KDM4C: variants seen among roughly 807,000 people sequenced by gnomAD.
KDM4C encodes lysine-specific demethylase 4C.
A neutral mutation model predicts 129.3 loss-of-function variants in KDM4C; 81 were observed. The ratio of observed to expected loss-of-function variants is 0.63; its 90% CI spans 0.52 to 0.75. KDM4C has a LOEUF of 0.75. Among genes scored for constraint, KDM4C ranks in the 30% least tolerant of loss-of-function variants. The pLI is 0.00. For synonymous variants in KDM4C, 573 were observed against 456.1 expected (o/e 1.26, Z -3.26); for missense variants, 1,457 against 1,304.0 (o/e 1.12, Z -1.81).
chr9:6,830,668 T>C (rs1305900065), intron 4 of KDM4C, among the ~76,000 whole-genome samples: 1 of 152,232 alleles, frequency 6.6e-6, no homozygotes, highest in Non-Finnish European at 1.5e-5. Context: ...TCCTTTTCCA[T>C]TGAAGGAATA....
chr9:6,873,642 T>C (rs2130692056), intron 5 of KDM4C, among the ~76,000 whole-genome samples: 1 of 152,346 alleles, frequency 6.6e-6, no homozygotes, highest in Non-Finnish European at 1.5e-5. Flanking sequence ...GATTAGGATT[T>C]GGTTTAAGGA....
intron 8 of KDM4C, 45 bp downstream of exon 8, chr9:6,893,277 T>C: frequency 6.5e-7 from 1 of 1,539,858 alleles, no homozygotes; most frequent in Non-Finnish European, 8.8e-7. Flanking sequence ...ATGTGTATTC[T>C]GGTTATTTTA....
intron 2 of KDM4C, among the ~76,000 whole-genome samples, chr9:6,802,930 C>G (rs1244162333): frequency 6.6e-6 from 1 of 152,172 alleles, no homozygotes; most frequent in Non-Finnish European, 1.5e-5. Context: ...TTAAATCTCA[C>G]AAAATATGAG....
At chr9:6,939,971 TACC>T in intron 8 of KDM4C, among the ~76,000 whole-genome samples, 12 of 137,768 alleles carry the variant, frequency 8.7e-5, no homozygotes, top group African/African-American at 2.9e-4. Context: ...CCTACCTACC[TACC>T]TACCTTCCTT....
chr9:6,901,611 C>T (rs1300726311), intron 8 of KDM4C, among the ~76,000 whole-genome samples: 2 of 152,164 alleles, frequency 1.3e-5, no homozygotes, highest in African/African-American at 4.8e-5. Context: ...TGAAAACATC[C>T]TTTTATGTCC....
intron 8 of KDM4C, among the ~76,000 whole-genome samples, chr9:6,967,280 C>G (rs573437665): frequency 6.6e-6 from 1 of 151,904 alleles, no homozygotes; most frequent in Admixed American, 6.6e-5. Context: ...AAATATTAGC[C>G]GGGCTTGGTG....
chr9:6,726,656 C>T (rs1430258790), intron 1 of KDM4C: 1 of 152,314 alleles, frequency 6.6e-6, no homozygotes, highest in Non-Finnish European at 1.5e-5. Context: ...TCCAAGGTTA[C>T]CTCCCAAGGT....
intron 1 of KDM4C, among the ~76,000 whole-genome samples, chr9:6,763,013 C>T (rs1380831829): frequency 1.3e-5 from 2 of 151,934 alleles, no homozygotes; most frequent in Admixed American, 6.6e-5. Context: ...ACTTCCTCAT[C>T]CTCCTTACCC....
At chr9:7,129,436 A>G (rs1840377173) in intron 19 of KDM4C, among the ~76,000 whole-genome samples, 1 of 152,196 alleles carries the variant, frequency 6.6e-6, no homozygotes, top group African/African-American at 2.4e-5. Flanking sequence ...GTTTCTTACC[A>G]GGGTTCTAGC....
At chr9:7,079,168 T>G (rs1045572370) in intron 17 of KDM4C, among the ~76,000 whole-genome samples, 2 of 152,198 alleles carry the variant, frequency 1.3e-5, no homozygotes, top group Admixed American at 6.5e-5. Flanking sequence ...AGCAGAACTT[T>G]CAAGGCATAA....
chr9:6,747,120 G>A (rs1015957372), intron 1 of KDM4C, among the ~76,000 whole-genome samples: 8 of 151,844 alleles, frequency 5.3e-5, no homozygotes, highest in Non-Finnish European at 7.4e-5. Context: ...TTGAGCCCAG[G>A]GAGTTGGGGC....
intron 17 of KDM4C, among the ~76,000 whole-genome samples, chr9:7,101,128 T>C (rs1241225836): frequency 1.3e-5 from 2 of 152,212 alleles, no homozygotes; most frequent in Admixed American, 1.3e-4. Context: ...TAAAGCTTTC[T>C]TCCCTCTGTT....
At chr9:7,057,273 T>G (rs1403623488) in intron 17 of KDM4C, among the ~76,000 whole-genome samples, 1 of 152,250 alleles carries the variant, frequency 6.6e-6, no homozygotes, top group Non-Finnish European at 1.5e-5. Context: ...TTAAGTGAAG[T>G]CTTTATCTAA....
At chr9:6,839,186 C>T (rs1836438957) in intron 4 of KDM4C, among the ~76,000 whole-genome samples, 3 of 152,120 alleles carry the variant, frequency 2.0e-5, no homozygotes, top group South Asian at 4.2e-4. Flanking sequence ...GATAAGAGTC[C>T]TAAAACGGGA....
intron 8 of KDM4C, among the ~76,000 whole-genome samples, chr9:6,917,060 A>G (rs1027490081): frequency 1.3e-5 from 2 of 152,176 alleles, no homozygotes; most frequent in African/African-American, 4.8e-5. Context: ...CAAGAGTTAA[A>G]ATATCGTTTA....
chr9:7,152,962 G>T (rs55808380), intron 19 of KDM4C, among the ~76,000 whole-genome samples: 357 of 152,022 alleles, frequency 2.3e-3, no homozygotes, highest in African/African-American at 8.1e-3. Context: ...AGAAGTACAG[G>T]GAAAAAACTC....
intron 1 of KDM4C, among the ~76,000 whole-genome samples, chr9:6,775,095 C>A (rs533682043): frequency 1.6e-4 from 25 of 152,356 alleles, no homozygotes; most frequent in Non-Finnish European, 3.2e-4. Context: ...TGTCTCACTG[C>A]AACCTCTGCC....
chr9:6,876,710 T>G (rs556264906), intron 5 of KDM4C, among the ~76,000 whole-genome samples: 2 of 152,132 alleles, frequency 1.3e-5, no homozygotes, highest in Admixed American at 1.3e-4. Flanking sequence ...GTGAGTCTAG[T>G]GTTCAAATGC....
At position 6,906,597 on chromosome 9, in the gene KDM4C, A is replaced by G. The variant is rs542119365; in HGVS notation, c.921+13365A>G. 2.6e-5 allele frequency among the ~76,000 whole-genome samples: 4 copies of G among 152,298 alleles called. No homozygotes were observed. The East Asian group carries it at 7.7e-4, about 29-fold the overall frequency. The stretch of plus-strand genomic sequence containing the variant: ...AGGACAACTACAGGCACATGCCGCC[A>G]TGACTGGCTAATTTTTACATTTTTT... On this transcript the variant is annotated intron_variant, in intron 8 of 21. Coordinates refer to ENST00000381309, the MANE Select transcript of KDM4C (RefSeq NM_015061.6).
Sources: gnomAD v4.1 joint callset for allele counts (sites outside exome capture counted in the v4.1 genomes callset) on GRCh38, gnomAD v4.1.1 for gene constraint, MANE v1.5 for transcripts, NCBI Gene and HGNC (gene_info 2026-07-23, HGNC 2026-07-21) for gene names.